ABHD4: variants seen among roughly 807,000 people sequenced by gnomAD.
ABHD4 encodes (Lyso)-N-acylphosphatidylethanolamine lipase.
In ABHD4, 35 loss-of-function variants were observed where a neutral mutation model predicts 42.3. That is an observed-to-expected ratio of 0.83 (90% CI 0.63 to 1.10). ABHD4 has a LOEUF of 1.10. ABHD4 is among the 50% of genes least tolerant of loss of function. The pLI, the probability that ABHD4 is intolerant of heterozygous loss-of-function variation, is 0.00. For synonymous variants in ABHD4, 169 were observed against 170.6 expected (o/e 0.99, Z 0.07); for missense variants, 389 against 454.8 (o/e 0.86, Z 1.32).
chr14:22,609,057 G>T (rs1004427501), intron 5 of ABHD4, among the ~76,000 whole-genome samples: 5 of 151,538 alleles, frequency 3.3e-5, no homozygotes, highest in African/African-American at 1.2e-4. Flanking sequence ...GAGTGCAGTG[G>T]CGTGATCTTG....
At chr14:22,600,193 G>A (rs745490208) in intron 1 of ABHD4, 7 of 455,780 alleles carry the variant, frequency 1.5e-5, no homozygotes, top group Non-Finnish European at 2.6e-5. Flanking sequence ...TCACATTGCT[G>A]GTAAGTGACA....
At position 22,603,450 on chromosome 14, in the gene ABHD4, C is replaced by T. The variant is rs144917490; in HGVS notation, c.173C>T (p.Thr58Met). 14 of 1,612,494 alleles carry T rather than the reference C, an allele frequency of 8.7e-6. No individual in the cohort carries two copies. The highest frequency in any genetic ancestry group is 4.4e-5 in the South Asian group (4 of 90,958). Reference sequence around the variant, plus strand: ...CTCCCAAACCAGAATAAGATCTGGACGGTGACTGTGAGCCCCGAGCAAAAC... The same window carrying T: ...CTCCCAAACCAGAATAAGATCTGGATGGTGACTGTGAGCCCCGAGCAAAAC... ...VSLPNQNKIW[T>M]VTVSPEQNDR... The change falls in exon 3 of 7, where the codon ACG becomes ATG. Residue 58 changes from threonine to methionine, a missense_variant. Physicochemically the swap from Thr to Met is moderately conservative, Grantham distance 81. This residue lies in a region of ABHD4 where 102 missense variants were observed against 128.3 expected (regional missense o/e 0.80). Transcript: ENST00000428304.
rs551710445 is a variant in ABHD4 at position 22,601,469 on chromosome 14, A to G, written c.24-198A>G. Among the ~76,000 whole-genome samples, 3 of 152,310 alleles carry G rather than the reference A, an allele frequency of 2.0e-5. No individual in the cohort carries two copies. The South Asian group carries it at 6.2e-4, about 32-fold the overall frequency. The stretch of plus-strand genomic sequence containing the variant: ...CTGAATATCTATTGAAACAAGGGGC[A>G]TGTTGTTAATACCCATTTACCAAAA... On this transcript the variant is annotated intron_variant, in intron 1 of 6. Transcript: ENST00000428304.
At position 22,611,265 on chromosome 14, in the gene ABHD4, A is replaced by C; in HGVS notation, c.*317A>C. On this transcript the variant is annotated 3_prime_UTR_variant, in exon 7 of 7. Transcript: ENST00000428304. ...GAAGGGATTGCACCAAGCCACATTCACTCTCTCTGTGGCCTTTCTTCCTCT... is the reference window on the plus strand; with the variant it reads ...GAAGGGATTGCACCAAGCCACATTCCCTCTCTCTGTGGCCTTTCTTCCTCT... The C allele has an allele frequency of 3.4e-6, 1 of 291,012 alleles. No homozygotes were observed. Among genetic ancestry groups the C allele is most frequent in the Non-Finnish European group, 6.6e-6 (1 of 150,390 alleles). The allele number at this position is 291,012 out of a possible 1,614,324, so 18.0% of individuals were successfully genotyped here.
Position 22,600,555 on chromosome 14 carries a change from C to A in ABHD4, c.24-1112C>A, listed in dbSNP as rs533045957. On this transcript the variant is annotated intron_variant, in intron 1 of 6. Transcript: ENST00000428304. The stretch of plus-strand genomic sequence containing the variant: ...GGATTTGGTCATGGTTCCCCTCACT[C>A]CCCCTTAGAGTGCCCTACCTTGAAT... Among the ~76,000 whole-genome samples, 14 of 152,286 alleles carry A rather than the reference C, an allele frequency of 9.2e-5. No homozygotes were observed. The South Asian group carries it at 2.9e-3, about 32-fold the overall frequency.
rs148360958 is a variant in ABHD4 at position 22,603,466 on chromosome 14, C to T, written c.189C>T (p.Pro63=). The T allele has an allele frequency of 5.9e-5, 95 of 1,614,180 alleles. No homozygotes were observed. Among genetic ancestry groups the T allele is most frequent in the Middle Eastern group, 4.9e-4 (3 of 6,062 alleles). Residue 63 remains proline, a synonymous_variant, in exon 3 of 7, where the codon CCC becomes CCT. Coordinates refer to ENST00000428304, the MANE Select transcript of ABHD4 (RefSeq NM_022060.3). ...AGATCTGGACGGTGACTGTGAGCCC[C>T]GAGCAAAACGACCGCACCCCCTTGG... is the stretch of plus-strand genomic sequence containing the variant. The part of the protein sequence containing the change: ...QNKIWTVTVS[P]EQNDRTPLVM...
chr14:22,608,655 C>T (rs1159696822), intron 5 of ABHD4, among the ~76,000 whole-genome samples: 2 of 152,188 alleles, frequency 1.3e-5, no homozygotes, highest in African/African-American at 4.8e-5. Flanking sequence ...TCATAGCACT[C>T]GACCACCTTT....
At chr14:22,598,405 G>A (rs1160256385) in intron 1 of ABHD4, 76 bp downstream of exon 1, 17 of 1,550,644 alleles carry the variant, frequency 1.1e-5, no homozygotes, top group Non-Finnish European at 1.5e-5. Context: ...TGTGGCTGAG[G>A]AACAGTTGTA....
intron 6 of ABHD4, among the ~76,000 whole-genome samples, chr14:22,610,321 T>C (rs182558465): frequency 6.6e-6 from 1 of 152,314 alleles, no homozygotes; most frequent in African/African-American, 2.4e-5. Flanking sequence ...CCTCCCAAAG[T>C]GCTCGTATTG....
intron 5 of ABHD4, among the ~76,000 whole-genome samples, chr14:22,608,129 A>G (rs1324815816): frequency 6.6e-6 from 1 of 152,222 alleles, no homozygotes; most frequent in Non-Finnish European, 1.5e-5. Flanking sequence ...CTTGCTAAGA[A>G]AACACAGCTG....
chr14:22,610,824 A>AG, intron 6 of ABHD4, 35 bp from the exon 7 acceptor site: 1 of 1,565,202 alleles, frequency 6.4e-7, no homozygotes, highest in Non-Finnish European at 8.8e-7. Flanking sequence ...CAGGAATAAA[A>AG]GGCCATCCCA....
At chr14:22,603,047 G>T (rs887559437) in intron 2 of ABHD4, among the ~76,000 whole-genome samples, 2 of 152,170 alleles carry the variant, frequency 1.3e-5, no homozygotes, top group African/African-American at 4.8e-5. Flanking sequence ...TCAAAGGTGA[G>T]GGATGAGGAA....
At chr14:22,601,823 A>G in intron 2 of ABHD4, 68 bp downstream of exon 2, 2 of 1,398,046 alleles carry the variant, frequency 1.4e-6, no homozygotes, top group Non-Finnish European at 2.0e-6. Flanking sequence ...ATCTTCCCAG[A>G]GCCTGCTACA....
At chr14:22,609,251 G>A (rs976032337) in intron 5 of ABHD4, among the ~76,000 whole-genome samples, 1 of 151,946 alleles carries the variant, frequency 6.6e-6, no homozygotes, top group Non-Finnish European at 1.5e-5. Context: ...GCCCGCCTCG[G>A]CCTCCCAAAG....
intron 6 of ABHD4, among the ~76,000 whole-genome samples, chr14:22,610,448 C>T (rs1044443772): frequency 6.6e-6 from 1 of 152,168 alleles, no homozygotes; most frequent in African/African-American, 2.4e-5. Context: ...TACCCCAAAA[C>T]CAGAGCCATG....
chr14:22,610,794 G>A, intron 6 of ABHD4, 65 bp from the exon 7 acceptor site: 2 of 1,312,412 alleles, frequency 1.5e-6, no homozygotes, highest in Non-Finnish European at 2.2e-6. Context: ...AAAAGAAATA[G>A]CGTGAAGGCT....
Position 22,603,934 on chromosome 14 carries a change from C to T in ABHD4, c.495C>T (p.His165=). Residue 165 remains histidine, a synonymous_variant, in exon 4 of 7, where the codon CAC becomes CAT. Transcript: ENST00000428304. ...YSIKYPDRVK[H]LILVDPWGFP... ...TCCGCCTTTAACATAGAGTTAAACACCTCATCCTGGTGGACCCATGGGGCT... is the reference window on the plus strand; with the variant it reads ...TCCGCCTTTAACATAGAGTTAAACATCTCATCCTGGTGGACCCATGGGGCT... The T allele has an allele frequency of 3.1e-6, 5 of 1,614,178 alleles. 1 individual carries two copies. The South Asian group carries it at 5.5e-5, about 18-fold the overall frequency.
intron 4 of ABHD4, chr14:22,605,982 G>A (rs2037344729): frequency 1.9e-6 from 1 of 535,910 alleles, no homozygotes; most frequent in Non-Finnish European, 3.2e-6. Flanking sequence ...GCCTGAAAAT[G>A]AGAGCGCTGT....
At position 22,603,733 on chromosome 14, in the gene ABHD4, C is replaced by T. The variant is rs751888175; in HGVS notation, c.456C>T (p.Ala152=). The change falls in exon 3 of 7, where the codon GCC becomes GCT. Residue 152 remains alanine, a synonymous_variant. Transcript: ENST00000428304. ...GGCACAGTTTGGGAGGATTCCTGGC[C>T]ACTTCTTACTCAATCAAGTACCCTG... The part of the protein sequence containing the change: ...LLGHSLGGFL[A]TSYSIKYPDR... The T allele has an allele frequency of 6.3e-7, 1 of 1,591,076 alleles. No individual in the cohort carries two copies. Among genetic ancestry groups the T allele is most frequent in the South Asian group, 1.2e-5 (1 of 86,734 alleles).
Sources: gnomAD v4.1 joint callset for allele counts (sites outside exome capture counted in the v4.1 genomes callset) on GRCh38, gnomAD v4.1.1 for gene constraint, gnomAD v4.1.1 regional missense constraint, MANE v1.5 for transcripts, NCBI Gene and HGNC (gene_info 2026-07-23, HGNC 2026-07-21) for gene names.